Variants in PCNX3 observed in about 807,000 individuals in gnomAD.
PCNX3 encodes pecanex 3.
Under a neutral mutation model 207.2 loss-of-function variants are expected in PCNX3, and 58 were observed. The ratio of observed to expected loss-of-function variants is 0.28; its 90% CI spans 0.23 to 0.35. PCNX3 has a LOEUF of 0.35. Among genes scored for constraint, PCNX3 ranks in the 10% least tolerant of loss-of-function variants. The pLI is 1.00. For missense variants in PCNX3, 2,410 were observed against 2,774.4 expected (o/e 0.87, Z 2.95); for synonymous variants, 1,337 against 1,183.5 (o/e 1.13, Z -2.66).
Position 65,636,308 on chromosome 11 carries a change from G to T in PCNX3, c.5593+1G>T. The T allele has an allele frequency of 6.2e-7, 1 of 1,611,488 alleles. No individual in the cohort carries two copies. Among genetic ancestry groups the T allele is most frequent in the Non-Finnish European group, 8.5e-7 (1 of 1,178,906 alleles). On this transcript the variant is annotated splice_donor_variant, in intron 33 of 34. Coordinates refer to ENST00000355703, the MANE Select transcript of PCNX3 (RefSeq NM_032223.4). LOFTEE classifies it high-confidence loss of function. The stretch of plus-strand genomic sequence containing the variant: ...CACCCCACACCTGAGAACACGGCAG[G>T]TGAGCAGGCGAGGCTGGGCTGAACC...
intron 27 of PCNX3, 75 bp from the exon 28 acceptor site, chr11:65,634,051 C>A: frequency 7.4e-7 from 1 of 1,344,952 alleles, no homozygotes; most frequent in Non-Finnish European, 1.0e-6. Flanking sequence ...GGGGAGGAGC[C>A]TCTGAACCTC....
At chr11:65,621,618 G>T (rs1435375340) in intron 10 of PCNX3, among the ~76,000 whole-genome samples, 2 of 152,202 alleles carry the variant, frequency 1.3e-5, no homozygotes, top group Admixed American at 1.3e-4. Context: ...ATGTGGGGTG[G>T]AAGCGTGGCC....
At chr11:65,629,775 C>G (rs972725704) in intron 26 of PCNX3, 40 bp downstream of exon 26, 48 of 1,536,530 alleles carry the variant, frequency 3.1e-5, no homozygotes, top group Non-Finnish European at 4.1e-5. Flanking sequence ...AGGCACAGCT[C>G]GGGCCTGATG....
intron 21 of PCNX3, 23 bp downstream of exon 21, chr11:65,627,071 C>T (rs1288226381): frequency 6.8e-7 from 1 of 1,470,258 alleles, no homozygotes; most frequent in Non-Finnish European, 9.0e-7. Context: ...CCACCCTCAA[C>T]GATCCCATCA....
intron 9 of PCNX3, 96 bp from the exon 10 acceptor site, chr11:65,620,735 A>T: frequency 6.6e-7 from 1 of 1,504,034 alleles, no homozygotes; most frequent in Admixed American, 2.0e-5. Flanking sequence ...GTCTCGGCAC[A>T]GACAGCCCTA....
chr11:65,623,466 C>T (rs775798868), intron 11 of PCNX3, 25 bp from the exon 12 acceptor site: 84 of 1,570,986 alleles, frequency 5.3e-5, no homozygotes, highest in Admixed American at 3.1e-4. Flanking sequence ...AAGACGGGCA[C>T]GCCCTGACTA....
Position 65,623,925 on chromosome 11 carries a change from C to G in PCNX3, c.2512-4C>G. On this transcript the variant is annotated splice_region_variant and splice_polypyrimidine_tract_variant and intron_variant, in intron 12 of 34. Transcript: ENST00000355703. ...AGTTGCCAACGTAGCCCTGTCTCTTCCAGAGCGTGCAGCCTGATGCGGCGT... is the reference window on the plus strand; with the variant it reads ...AGTTGCCAACGTAGCCCTGTCTCTTGCAGAGCGTGCAGCCTGATGCGGCGT... 1 of 1,612,712 alleles carries G rather than the reference C, an allele frequency of 6.2e-7. No homozygotes were observed. The highest frequency in any genetic ancestry group is 8.5e-7 in the Non-Finnish European group (1 of 1,179,874).
At position 65,630,420 on chromosome 11, in the gene PCNX3, G is replaced by C; in HGVS notation, c.4286G>C (p.Cys1429Ser). ...GTGGAGGAGGACGAGGGCTGTTGCT[G>C]CTGTGAACCTGGCCACCTGCCACGG... is the stretch of plus-strand genomic sequence containing the variant. Reference protein sequence around the residue: ...EGVEEDEGCCCCEPGHLPRVL... With the variant: ...EGVEEDEGCCSCEPGHLPRVL... The change falls in exon 27 of 35, where the codon TGC (cysteine) becomes TCC (serine). Residue 1429 changes from cysteine (C) to serine (S), a missense_variant. Cys to Ser is a moderately radical substitution (Grantham distance 112, BLOSUM62 -1). Transcript: ENST00000355703. 1 of 1,613,594 alleles carries C rather than the reference G, an allele frequency of 6.2e-7. No individual in the cohort carries two copies. Among genetic ancestry groups the C allele is most frequent in the Non-Finnish European group, 8.5e-7 (1 of 1,179,896 alleles).
At chr11:65,619,694 G>A (rs905148302) in intron 7 of PCNX3, 34 bp downstream of exon 7, 13 of 1,572,856 alleles carry the variant, frequency 8.3e-6, no homozygotes, top group African/African-American at 6.7e-5. Flanking sequence ...GAGGGGCACC[G>A]GGGGCCGGGG....
At chr11:65,623,384 A>C (rs1372196746) in intron 11 of PCNX3, 107 bp from the exon 12 acceptor site, 2 of 1,396,712 alleles carry the variant, frequency 1.4e-6, no homozygotes. Flanking sequence ...AGGGTCTGGC[A>C]TGGGCACAGT....
At chr11:65,620,318 A>G in intron 8 of PCNX3, 21 bp from the exon 9 acceptor site, 1 of 1,603,678 alleles carries the variant, frequency 6.2e-7, no homozygotes, top group Non-Finnish European at 8.5e-7. Flanking sequence ...ACGCTGCCTC[A>G]TCTCCCATAC....
chr11:65,616,690 CTG>C, intron 1 of PCNX3, 132 bp from the exon 2 acceptor site: 1 of 1,076,916 alleles, frequency 9.3e-7, no homozygotes, highest in African/African-American at 1.6e-5. Context: ...TTGTCGAGGT[CTG>C]TGTACTGGTT....
In PCNX3 at chr11:65,625,895, C is replaced by T. The variant is rs1328294118; in HGVS notation, c.3229-9C>T. 8 of 1,611,582 alleles carry T rather than the reference C, an allele frequency of 5.0e-6. No individual in the cohort carries two copies. Among genetic ancestry groups the T allele is most frequent in the Middle Eastern group, 1.7e-4 (1 of 6,006 alleles). On this transcript the variant is annotated splice_polypyrimidine_tract_variant and intron_variant, in intron 19 of 34. Coordinates refer to ENST00000355703, the MANE Select transcript of PCNX3 (RefSeq NM_032223.4). The surrounding 1 kb of genome is among the most constrained non-coding windows in gnomAD (Gnocchi z 5.6). ...CATCAGCTGAGTCTCTGGCCTCTCC[C>T]TCCTGCAGTCGGTGCTGGGTTTCGT...
intron 21 of PCNX3, 121 bp downstream of exon 21, chr11:65,627,169 C>T (rs902657895): frequency 5.3e-5 from 72 of 1,349,600 alleles, no homozygotes; most frequent in Non-Finnish European, 2.9e-5. Flanking sequence ...TAAAGCAGGA[C>T]CCCAGCTCCT....
In PCNX3 at chr11:65,622,454, G is replaced by C; in HGVS notation, c.2357+88G>C. ...CTCTGTACCTGTGGAGGCAGTCATG[G>C]CAGCAGAGAGCCTGACTCGGGGGAA... On this transcript the variant is annotated intron_variant, in intron 11 of 34. Transcript: ENST00000355703. The C allele has an allele frequency of 1.4e-6, 2 of 1,422,612 alleles. 1 individual carries two copies. Among genetic ancestry groups the C allele is most frequent in the Non-Finnish European group, 1.9e-6 (2 of 1,069,174 alleles). 88.1% of individuals were successfully genotyped at this position (1,422,612 alleles called of 1,614,324 possible). A position where few individuals can be genotyped will look rare whatever the true frequency, so the allele number is the denominator to read the frequency against.
intron 11 of PCNX3, among the ~76,000 whole-genome samples, chr11:65,623,074 G>A (rs754073910): frequency 7.9e-5 from 12 of 152,202 alleles, no homozygotes; most frequent in Non-Finnish European, 1.6e-4. Context: ...GAGAACTTGG[G>A]CCTAGAGCCC....
chr11:65,621,301 A>G (rs114623827), intron 10 of PCNX3, among the ~76,000 whole-genome samples: 1,781 of 152,220 alleles, frequency 0.012, 41 homozygotes, highest in African/African-American at 0.041. Flanking sequence ...GGACCCTGTG[A>G]TGACTGTGCT....
In PCNX3 at chr11:65,627,801, A is replaced by G. The variant is rs78942322; in HGVS notation, c.3702+219A>G. Among the ~76,000 whole-genome samples, 571 of 152,202 alleles carry G rather than the reference A, an allele frequency of 3.8e-3. 4 individuals are homozygous for G. The highest frequency in any genetic ancestry group is 0.013 in the African/African-American group (520 of 41,530). ...AGGGACTTGCCTCAGGCTTCCAGAG[A>G]ATTGGTGGTCAGCCAGGATTTGAAC... On this transcript the variant is annotated intron_variant, in intron 22 of 34. Coordinates refer to ENST00000355703, the MANE Select transcript of PCNX3 (RefSeq NM_032223.4).
At position 65,636,924 on chromosome 11, in the gene PCNX3, T is replaced by C. The variant is rs1331039570; in HGVS notation, c.6051T>C (p.Pro2017=). ...PMGALGDWPA[P]IEERESPAAQ... ...GTGCCCTGGGCGACTGGCCTGCCCC[T>C]ATTGAGGAGCGTGAGAGCCCGGCAG... is the stretch of plus-strand genomic sequence containing the variant. The change falls in exon 35 of 35, where the codon CCT becomes CCC. Residue 2017 remains proline (P), a synonymous_variant. Coordinates refer to ENST00000355703, the MANE Select transcript of PCNX3 (RefSeq NM_032223.4). The C allele has an allele frequency of 6.4e-7, 1 of 1,562,786 alleles. No individual in the cohort carries two copies. The highest frequency in any genetic ancestry group is 1.9e-5 in the Admixed American group (1 of 52,472).
Sources: allele counts gnomAD v4.1 joint callset (sites outside exome capture counted in the v4.1 genomes callset), GRCh38; gene constraint gnomAD v4.1.1; non-coding constraint Gnocchi (gnomAD v3.1); transcripts MANE v1.5; gene names NCBI Gene and HGNC (gene_info 2026-07-23, HGNC 2026-07-21).